CCDC148: variants seen among roughly 807,000 people sequenced by gnomAD.
CCDC148 encodes the protein coiled-coil domain-containing protein 148.
CCDC148 carries 89 observed loss-of-function variants against 85.7 expected under a neutral mutation model. The observed-to-expected ratio is 1.04, with a 90% CI of 0.87 to 1.24. The LOEUF is 1.24. CCDC148 is among the 50% of genes most tolerant of loss of function. The pLI, the probability that CCDC148 is intolerant of heterozygous loss-of-function variation, is 0.00. For missense variants in CCDC148, 692 were observed against 671.7 expected (o/e 1.03, Z -0.33); for synonymous variants, 230 against 213.9 (o/e 1.08, Z -0.66).
intron 11 of CCDC148, among the ~76,000 whole-genome samples, chr2:158,191,911 G>C (rs1685443061): frequency 6.6e-6 from 1 of 151,952 alleles, no homozygotes; most frequent in Admixed American, 6.6e-5. Context: ...GCCTACTTGG[G>C]GAACTCTGTT....
chr2:158,425,057 G>A (rs888320054), intron 1 of CCDC148: 30 of 450,534 alleles, frequency 6.7e-5, no homozygotes, highest in South Asian at 3.5e-4. Context: ...CTAGGGGGTC[G>A]TGACCAAGGT....
At chr2:158,215,170 G>A (rs1043230765) in intron 11 of CCDC148, among the ~76,000 whole-genome samples, 1 of 152,116 alleles carries the variant, frequency 6.6e-6, no homozygotes, top group African/African-American at 2.4e-5. Flanking sequence ...AAATCAGTGG[G>A]TAAAGATGAA....
Position 158,306,006 on chromosome 2 carries a change from A to G in CCDC148, c.1110+3427T>C, listed in dbSNP as rs150842246. On this transcript the variant is annotated intron_variant, in intron 9 of 13. Coordinates refer to ENST00000283233, the MANE Select transcript of CCDC148 (RefSeq NM_138803.4). ...ATGCTAAGTGAACAAAGCCAGACTC[A>G]AAGGCTACACACTGTTGAGTTACAC... 7.9e-4 allele frequency among the ~76,000 whole-genome samples: 121 copies of G among 152,306 alleles called. 1 individual carries two copies. Among genetic ancestry groups the G allele is most frequent in the African/African-American group, 2.7e-3 (113 of 41,566 alleles).
At chr2:158,447,973 T>C (rs1332973278) in intron 1 of CCDC148, among the ~76,000 whole-genome samples, 1 of 152,182 alleles carries the variant, frequency 6.6e-6, no homozygotes, top group African/African-American at 2.4e-5. Flanking sequence ...AAAAGCAAGG[T>C]TGCAGAGATT....
intron 11 of CCDC148, among the ~76,000 whole-genome samples, chr2:158,188,157 G>C (rs1444253880): frequency 6.6e-6 from 1 of 151,958 alleles, no homozygotes; most frequent in Non-Finnish European, 1.5e-5. Context: ...TCCAAAAGCA[G>C]ACAATCAAGC....
chr2:158,282,854 C>A (rs575844079), intron 9 of CCDC148, among the ~76,000 whole-genome samples: 10 of 152,326 alleles, frequency 6.6e-5, no homozygotes, highest in Admixed American at 5.2e-4. Context: ...AAGCTGGAGG[C>A]GTCACGCTAC....
In CCDC148 at chr2:158,240,797, C is replaced by T. The variant is rs980829059; in HGVS notation, c.1251+9975G>A. On this transcript the variant is annotated intron_variant, in intron 10 of 13. Coordinates refer to ENST00000283233, the MANE Select transcript of CCDC148 (RefSeq NM_138803.4). Reference sequence around the variant, plus strand: ...TCCTGCAATTCCTACAGTACACACACGCCTGCAACAATTAAAGGCCTCAAT... The same window carrying T: ...TCCTGCAATTCCTACAGTACACACATGCCTGCAACAATTAAAGGCCTCAAT... Among the ~76,000 whole-genome samples the T allele has an allele frequency of 3.3e-5, 5 of 152,118 alleles. No homozygotes were observed. In the South Asian group the frequency reaches 6.2e-4, roughly 19 times the overall value.
intron 1 of CCDC148, among the ~76,000 whole-genome samples, chr2:158,380,081 C>T (rs566837864): frequency 1.1e-4 from 16 of 152,220 alleles, no homozygotes; most frequent in Middle Eastern, 3.4e-3. Flanking sequence ...CCACTGCAGC[C>T]AGCTCTGTAT....
At chr2:158,285,555 G>A (rs1022003410) in intron 9 of CCDC148, among the ~76,000 whole-genome samples, 1 of 150,040 alleles carries the variant, frequency 6.7e-6, no homozygotes, top group Non-Finnish European at 1.5e-5. Flanking sequence ...TTTTGAGACG[G>A]AGTCTTGCTC....
At chr2:158,436,678 T>C (rs1373603306) in intron 1 of CCDC148, among the ~76,000 whole-genome samples, 1 of 151,930 alleles carries the variant, frequency 6.6e-6, no homozygotes, top group African/African-American at 2.4e-5. Flanking sequence ...AAAAAATCAA[T>C]GAATCCAGGA....
chr2:158,303,585 T>TA (rs1691547446), intron 9 of CCDC148, among the ~76,000 whole-genome samples: 1 of 152,252 alleles, frequency 6.6e-6, no homozygotes, highest in Admixed American at 6.5e-5. Context: ...ATCCCAGCTA[T>TA]AATTTACTGA....
At chr2:158,388,042 GAGAAGGAAACTGGGT>G (rs1685162189) in intron 1 of CCDC148, among the ~76,000 whole-genome samples, 1 of 152,224 alleles carries the variant, frequency 6.6e-6, no homozygotes, top group South Asian at 2.1e-4. Context: ...GGACAAAGAA[GAGAAGGAAACTGGGT>G]AGAGGAAACA....
At chr2:158,243,854 T>A (rs371866871) in intron 10 of CCDC148, among the ~76,000 whole-genome samples, 13 of 151,958 alleles carry the variant, frequency 8.6e-5, no homozygotes, top group African/African-American at 3.1e-4. Flanking sequence ...TTCTTTTTAC[T>A]ATAAGCAGCA....
At chr2:158,179,360 T>C (rs939754065) in intron 11 of CCDC148, among the ~76,000 whole-genome samples, 3 of 151,890 alleles carry the variant, frequency 2.0e-5, no homozygotes, top group Non-Finnish European at 4.4e-5. Context: ...AGTTTCACCA[T>C]GTTGGCCAGG....
At chr2:158,297,609 G>A (rs1398297689) in intron 9 of CCDC148, among the ~76,000 whole-genome samples, 1 of 152,132 alleles carries the variant, frequency 6.6e-6, no homozygotes, top group Non-Finnish European at 1.5e-5. Flanking sequence ...GTTTTTAGTT[G>A]CACACAGCAG....
intron 9 of CCDC148, among the ~76,000 whole-genome samples, chr2:158,271,048 A>T (rs1244945554): frequency 2.6e-5 from 4 of 152,238 alleles, no homozygotes; most frequent in Admixed American, 2.6e-4. Context: ...GTTTAGTTTT[A>T]TAACCAAGCA....
chr2:158,228,758 T>C (rs1453844091), intron 10 of CCDC148, among the ~76,000 whole-genome samples: 2 of 129,362 alleles, frequency 1.5e-5, no homozygotes, highest in Non-Finnish European at 3.1e-5. Context: ...AATTGAACAA[T>C]GAGAACACAT....
chr2:158,289,794 A>C (rs1264527211), intron 9 of CCDC148, among the ~76,000 whole-genome samples: 1 of 152,244 alleles, frequency 6.6e-6, no homozygotes, highest in African/African-American at 2.4e-5. Context: ...ATAACCATGA[A>C]GTAGAGATAA....
intron 11 of CCDC148, among the ~76,000 whole-genome samples, chr2:158,185,242 T>C (rs978767910): frequency 1.3e-5 from 2 of 152,164 alleles, no homozygotes; most frequent in Non-Finnish European, 2.9e-5. Flanking sequence ...GGATAAGTGC[T>C]GGTGATGGGC....
Sources: allele counts gnomAD v4.1 joint callset (sites outside exome capture counted in the v4.1 genomes callset), GRCh38; gene constraint gnomAD v4.1.1; transcripts MANE v1.5; gene names NCBI Gene and HGNC (gene_info 2026-07-23, HGNC 2026-07-21).